Variants in GUCY1A2 observed in about 807,000 individuals in gnomAD.
GUCY1A2 encodes guanylate cyclase soluble subunit alpha-2.
Under a neutral mutation model 63.5 loss-of-function variants are expected in GUCY1A2, and 27 were observed. The ratio of observed to expected loss-of-function variants is 0.43; its 90% CI spans 0.31 to 0.59. GUCY1A2 has a LOEUF of 0.59. GUCY1A2 is among the 20% of genes least tolerant of loss of function. The probability of loss-of-function intolerance (pLI) is 0.11; values close to 1 mark genes in which losing one functional copy is unlikely to be tolerated. For missense variants in GUCY1A2, 768 were observed against 913.3 expected (o/e 0.84, Z 2.05); for synonymous variants, 364 against 343.5 (o/e 1.06, Z -0.66).
chr11:106,896,822 GTTC>G (rs1290445143), intron 4 of GUCY1A2, among the ~76,000 whole-genome samples: 1 of 152,142 alleles, frequency 6.6e-6, no homozygotes, highest in Non-Finnish European at 1.5e-5. Context: ...ATAAATTTCT[GTTC>G]TTCATAAATT....
intron 7 of GUCY1A2, among the ~76,000 whole-genome samples, chr11:106,693,412 G>A (rs976483186): frequency 7.5e-4 from 113 of 151,474 alleles, no homozygotes; most frequent in African/African-American, 2.5e-3. Flanking sequence ...CATCATCGTC[G>A]TCTTTCTATC....
intron 4 of GUCY1A2, among the ~76,000 whole-genome samples, chr11:106,822,707 T>C (rs987828043): frequency 6.6e-6 from 1 of 152,180 alleles, no homozygotes; most frequent in Admixed American, 6.6e-5. Flanking sequence ...AGAGGTTTGG[T>C]CTCAAAAAGT....
chr11:106,795,787 A>G (rs1369330671), intron 5 of GUCY1A2, among the ~76,000 whole-genome samples: 1 of 152,164 alleles, frequency 6.6e-6, no homozygotes, highest in South Asian at 2.1e-4. Flanking sequence ...AAAACTTATT[A>G]ATAGGGAGGC....
At chr11:106,839,432 G>A (rs1220373489) in intron 4 of GUCY1A2, among the ~76,000 whole-genome samples, 14 of 151,630 alleles carry the variant, frequency 9.2e-5, no homozygotes, top group South Asian at 2.1e-4. Context: ...CAGTTCAACC[G>A]TTGTGGAAGA....
At chr11:106,947,539 TCAAAA>T (rs1860846938) in intron 3 of GUCY1A2, among the ~76,000 whole-genome samples, 1 of 151,674 alleles carries the variant, frequency 6.6e-6, no homozygotes. Flanking sequence ...AGCAACAAAC[TCAAAA>T]CATTTGTATA....
chr11:107,008,700 T>A (rs1426649425), intron 1 of GUCY1A2, among the ~76,000 whole-genome samples: 2 of 152,118 alleles, frequency 1.3e-5, no homozygotes, highest in Non-Finnish European at 2.9e-5. Context: ...CAAGGTACAA[T>A]ACAATAAGTC....
chr11:106,741,119 T>C (rs1337498337), intron 6 of GUCY1A2, among the ~76,000 whole-genome samples: 2 of 152,192 alleles, frequency 1.3e-5, no homozygotes, highest in Non-Finnish European at 2.9e-5. Flanking sequence ...AATTTCAAAA[T>C]TTCTAATAGG....
chr11:106,963,997 G>A (rs7948216), intron 3 of GUCY1A2, among the ~76,000 whole-genome samples: 56,212 of 151,684 alleles, frequency 0.37, 10,857 homozygotes, highest in Non-Finnish European at 0.43. Context: ...TGTGCCATTT[G>A]CTTTCTTATT....
In GUCY1A2 at chr11:107,017,906, C is replaced by G. The variant is rs1861849130; in HGVS notation, c.150G>C (p.Pro50=). 4.0e-6 allele frequency: 5 copies of G among 1,259,300 alleles called. No homozygotes were observed. Among genetic ancestry groups the G allele is most frequent in the Non-Finnish European group, 4.0e-6 (4 of 999,614 alleles). 78.0% of individuals were successfully genotyped at this position (1,259,300 alleles called of 1,614,324 possible). A position where few individuals can be genotyped will look rare whatever the true frequency, so the allele number is the denominator to read the frequency against. ...GGGCGGCGGCAGCGGCAGCTGCGGCCGGGCTGGGCTCCAGCGGCCCGGGCG... is the reference window on the plus strand; with the variant it reads ...GGGCGGCGGCAGCGGCAGCTGCGGCGGGGCTGGGCTCCAGCGGCCCGGGCG... ...RSPPGPLEPS[P]AAAAAAAAPA... is the part of the protein sequence containing the mutation. The change falls in exon 1 of 8, where the codon CCG becomes CCC. Residue 50 remains proline (P), a synonymous_variant. Transcript: ENST00000526355.
At chr11:106,958,205 A>G (rs1249486507) in intron 3 of GUCY1A2, among the ~76,000 whole-genome samples, 2 of 152,168 alleles carry the variant, frequency 1.3e-5, no homozygotes, top group Non-Finnish European at 2.9e-5. Flanking sequence ...ACCATTTAGT[A>G]TAACATTGAT....
chr11:106,961,526 A>G (rs1050179003), intron 3 of GUCY1A2, among the ~76,000 whole-genome samples: 4 of 152,234 alleles, frequency 2.6e-5, no homozygotes, highest in Non-Finnish European at 4.4e-5. Flanking sequence ...ACAAAAATGC[A>G]TTATCCAAAA....
In GUCY1A2 at chr11:106,865,246, CT is replaced by C. The variant is rs1190653257; in HGVS notation, c.1207-54769del. ...TTCTCTGGGATCAGTAGTGATATCT[CT>C]TTTATCATTTTTTATTGTGTCCGAT... On this transcript the variant is annotated intron_variant, in intron 4 of 7. Transcript: ENST00000526355. Among the ~76,000 whole-genome samples, 3 of 151,986 alleles carry C rather than the reference CT, an allele frequency of 2.0e-5. No individual in the cohort carries two copies. The East Asian group carries it at 5.8e-4, about 29-fold the overall frequency.
chr11:106,878,988 T>A (rs1165161270), intron 4 of GUCY1A2, among the ~76,000 whole-genome samples: 3 of 152,056 alleles, frequency 2.0e-5, no homozygotes, highest in African/African-American at 7.2e-5. Flanking sequence ...AGGACTAATA[T>A]AACTACCAAC....
intron 4 of GUCY1A2, among the ~76,000 whole-genome samples, chr11:106,834,655 A>G (rs1207439129): frequency 1.3e-5 from 2 of 152,162 alleles, no homozygotes; most frequent in African/African-American, 4.8e-5. Flanking sequence ...TATAATTTTC[A>G]TAACACTGCT....
chr11:106,911,291 A>T (rs1860290454), intron 4 of GUCY1A2, among the ~76,000 whole-genome samples: 1 of 152,080 alleles, frequency 6.6e-6, no homozygotes, highest in East Asian at 1.9e-4. Flanking sequence ...AAAGTAAGAG[A>T]AAATTCTTGA....
intron 6 of GUCY1A2, among the ~76,000 whole-genome samples, chr11:106,745,227 T>C (rs567983337): frequency 6.6e-6 from 1 of 152,332 alleles, no homozygotes; most frequent in Admixed American, 6.5e-5. Flanking sequence ...TTTTATTTAA[T>C]GGCATTCTAT....
At chr11:107,005,217 G>C (rs1239228792) in intron 1 of GUCY1A2, among the ~76,000 whole-genome samples, 1 of 152,202 alleles carries the variant, frequency 6.6e-6, no homozygotes, top group Non-Finnish European at 1.5e-5. Flanking sequence ...GAGACAGACA[G>C]AGGGGCAGAC....
At chr11:106,702,126 A>G (rs1352649003) in intron 7 of GUCY1A2, among the ~76,000 whole-genome samples, 2 of 152,144 alleles carry the variant, frequency 1.3e-5, no homozygotes, top group Non-Finnish European at 2.9e-5. Context: ...AACAAAGATA[A>G]TCACAATTCA....
intron 4 of GUCY1A2, among the ~76,000 whole-genome samples, chr11:106,898,656 T>C (rs1391343360): frequency 6.6e-6 from 1 of 151,998 alleles, no homozygotes; most frequent in Non-Finnish European, 1.5e-5. Context: ...AACAAAAATA[T>C]GGAGACAGTA....
Sources: gnomAD v4.1 joint callset for allele counts (sites outside exome capture counted in the v4.1 genomes callset) on GRCh38, gnomAD v4.1.1 for gene constraint, MANE v1.5 for transcripts, NCBI Gene and HGNC (gene_info 2026-07-23, HGNC 2026-07-21) for gene names.